The following UTRN variants were observed in gnomAD, a reference collection of about 807,000 sequenced individuals.
The protein encoded by UTRN is utrophin, also known as dystrophin-related protein 1.
In UTRN, 283 loss-of-function variants were observed where a neutral mutation model predicts 463.9. That is an observed-to-expected ratio of 0.61 (90% CI 0.55 to 0.67). The LOEUF (loss-of-function observed/expected upper bound fraction) is 0.67. Ranked by LOEUF, UTRN falls within the 30% of genes least tolerant of loss-of-function variation. The pLI, the probability that UTRN is intolerant of heterozygous loss-of-function variation, is 0.00. For missense variants in UTRN, 3,922 were observed against 4,084.3 expected (o/e 0.96, Z 1.08); for synonymous variants, 1,442 against 1,431.5 (o/e 1.01, Z -0.17).
intron 10 of UTRN, among the ~76,000 whole-genome samples, chr6:144,437,237 A>T (rs1180022706): frequency 6.6e-6 from 1 of 152,146 alleles, no homozygotes; most frequent in Non-Finnish European, 1.5e-5. Context: ...TATAGGTGTG[A>T]GCCACCACAC....
At chr6:144,602,745 C>A (rs59989498) in intron 51 of UTRN, among the ~76,000 whole-genome samples, 2 of 152,150 alleles carry the variant, frequency 1.3e-5, no homozygotes, top group Non-Finnish European at 2.9e-5. Context: ...TCAGTGCAGA[C>A]TCCATACAGA....
At chr6:144,631,969 G>C (rs958453499) in intron 51 of UTRN, among the ~76,000 whole-genome samples, 1 of 152,160 alleles carries the variant, frequency 6.6e-6, no homozygotes, top group South Asian at 2.1e-4. Flanking sequence ...TGGATGTTAA[G>C]AAAAAGTCTT....
At chr6:144,545,748 G>A (rs937000725) in intron 46 of UTRN, among the ~76,000 whole-genome samples, 2 of 152,222 alleles carry the variant, frequency 1.3e-5, no homozygotes, top group African/African-American at 4.8e-5. Flanking sequence ...GGCAGGGCAC[G>A]GTGGCTCATG....
chr6:144,640,996 G>A (rs1248423253), intron 51 of UTRN, among the ~76,000 whole-genome samples: 2 of 152,052 alleles, frequency 1.3e-5, no homozygotes, highest in East Asian at 1.9e-4. Context: ...TACAAACTGT[G>A]CACTAGATTG....
At chr6:144,710,900 G>C (rs1283427597) in intron 53 of UTRN, among the ~76,000 whole-genome samples, 1 of 152,156 alleles carries the variant, frequency 6.6e-6, no homozygotes, top group Non-Finnish European at 1.5e-5. Flanking sequence ...TATAGTCTTT[G>C]CAAGTATCAG....
intron 72 of UTRN, among the ~76,000 whole-genome samples, chr6:144,839,524 A>C (rs1000026598): frequency 2.6e-5 from 4 of 152,248 alleles, no homozygotes; most frequent in African/African-American, 4.8e-5. Flanking sequence ...TTTGGATGAA[A>C]AAGCCTCCTC....
At chr6:144,785,788 G>A (rs763127319) in intron 61 of UTRN, among the ~76,000 whole-genome samples, 1 of 152,100 alleles carries the variant, frequency 6.6e-6, no homozygotes, top group African/African-American at 2.4e-5. Context: ...ACTAATATAT[G>A]TAAAAAGTAC....
rs576573828 is a variant in UTRN, at chr6:144,441,797, GAAAT to G, written c.1512+1327_1512+1330del. Among the ~76,000 whole-genome samples, 677 of 152,312 alleles carry G rather than the reference GAAAT, an allele frequency of 4.4e-3. 5 individuals are homozygous for G. The highest frequency in any genetic ancestry group is 0.016 in the African/African-American group (658 of 41,572). On this transcript the variant is annotated intron_variant, in intron 13 of 74. Transcript: ENST00000367545. ...ATCCACGTGTTTCCATACATCCTCT[GAAAT>G]CTAGGTGGATGTTCCCAAACCTCAA...
chr6:144,512,858 C>T (rs76133905), intron 35 of UTRN, among the ~76,000 whole-genome samples: 3,287 of 152,142 alleles, frequency 0.022, 100 homozygotes, highest in African/African-American at 0.075. Context: ...CTTTTTTCAA[C>T]TATGTTTCAT....
intron 51 of UTRN, among the ~76,000 whole-genome samples, chr6:144,657,849 A>T (rs1779488770): frequency 6.6e-6 from 1 of 152,040 alleles, no homozygotes; most frequent in South Asian, 2.1e-4. Flanking sequence ...GCTGAGAAAG[A>T]TTGTTCTTTT....
rs763699185 is a variant in UTRN, at chr6:144,551,088, T to C, written c.6928+6T>C. The C allele has an allele frequency of 1.9e-6, 3 of 1,589,114 alleles. No homozygotes were observed. Among genetic ancestry groups the C allele is most frequent in the South Asian group, 2.3e-5 (2 of 86,978 alleles). ...AACAGCAATTACAGAAAAATGTAAGTTTTTTAAAAAAAGTTATGTATTATC... is the reference window on the plus strand; with the variant it reads ...AACAGCAATTACAGAAAAATGTAAGCTTTTTAAAAAAAGTTATGTATTATC... On this transcript the variant is annotated splice_donor_region_variant and intron_variant, in intron 48 of 74. Coordinates refer to ENST00000367545, the MANE Select transcript of UTRN (RefSeq NM_007124.3).
Position 144,314,959 on chromosome 6 carries a change from C to CTTATTTAT in UTRN, c.79+23068_79+23075dup, listed in dbSNP as rs35669873. ...ATACCTCTCTCTATATATTTTTTTC[C>CTTATTTAT]TTATTTATTTATTTATTTATTTAAC... On this transcript the variant is annotated intron_variant, in intron 2 of 74. Coordinates refer to ENST00000367545, the MANE Select transcript of UTRN (RefSeq NM_007124.3). 4.5e-3 allele frequency among the ~76,000 whole-genome samples: 686 copies of CTTATTTAT among 151,402 alleles called. 4 individuals carry two copies. The highest frequency in any genetic ancestry group is 0.016 in the African/African-American group (647 of 41,224).
rs762337321 is a variant in UTRN at position 144,557,186 on chromosome 6, T to G, written c.7164T>G (p.Asp2388Glu). The G allele has an allele frequency of 6.2e-7, 1 of 1,613,936 alleles. No individual in the cohort carries two copies. Among genetic ancestry groups the G allele is most frequent in the Non-Finnish European group, 8.5e-7 (1 of 1,179,856 alleles). The stretch of plus-strand genomic sequence containing the variant: ...TGCTTCAAGAACTGGGTCCTGGAGA[T>G]GGTATCGTCATGGCGTTCGATAACG... ...QILLQELGPG[D>E]GIVMAFDNVL... The change falls in exon 50 of 75, where the codon GAT becomes GAG. Residue 2388 changes from aspartate to glutamate, a missense_variant. By Grantham distance (45) the Asp-to-Glu change is conservative. This residue lies in a region of UTRN where 1,309 missense variants were observed against 1,452.6 expected (regional missense o/e 0.90). Coordinates refer to ENST00000367545, the MANE Select transcript of UTRN (RefSeq NM_007124.3).
intron 66 of UTRN, among the ~76,000 whole-genome samples, chr6:144,826,451 G>A (rs1165909399): frequency 6.6e-6 from 1 of 151,942 alleles, no homozygotes; most frequent in Non-Finnish European, 1.5e-5. Context: ...AATTTTCTTT[G>A]TACTGTAAAT....
At chr6:144,785,242 A>G (rs962096221) in intron 61 of UTRN, among the ~76,000 whole-genome samples, 3 of 152,188 alleles carry the variant, frequency 2.0e-5, no homozygotes, top group African/African-American at 7.2e-5. Flanking sequence ...CACTAATCAT[A>G]TACCCGTGAC....
At chr6:144,681,060 C>G (rs1361338502) in intron 52 of UTRN, among the ~76,000 whole-genome samples, 1 of 152,086 alleles carries the variant, frequency 6.6e-6, no homozygotes, top group Non-Finnish European at 1.5e-5. Flanking sequence ...CTCGGATGAG[C>G]CTGTTCTGAA....
At chr6:144,669,617 A>T (rs1447848063) in intron 51 of UTRN, among the ~76,000 whole-genome samples, 1 of 152,132 alleles carries the variant, frequency 6.6e-6, no homozygotes, top group East Asian at 1.9e-4. Flanking sequence ...TTTGGGGGGA[A>T]CAGGTGATGT....
At chr6:144,602,217 C>T (rs542384363) in intron 51 of UTRN, among the ~76,000 whole-genome samples, 96 of 151,982 alleles carry the variant, frequency 6.3e-4, no homozygotes, top group Non-Finnish European at 1.1e-3. Flanking sequence ...CTGCAACCTC[C>T]GCCTCCCAGG....
intron 65 of UTRN, among the ~76,000 whole-genome samples, chr6:144,808,187 C>A (rs1257229768): frequency 6.6e-6 from 1 of 151,926 alleles, no homozygotes; most frequent in African/African-American, 2.4e-5. Context: ...GAGAAAATTT[C>A]ATGAAGGAGA....
Sources: gnomAD v4.1 joint callset for allele counts (sites outside exome capture counted in the v4.1 genomes callset) on GRCh38, gnomAD v4.1.1 for gene constraint, gnomAD v4.1.1 regional missense constraint, MANE v1.5 for transcripts, NCBI Gene and HGNC (gene_info 2026-07-23, HGNC 2026-07-21) for gene names.